The following INPP4A variants were observed in gnomAD, a reference collection of about 807,000 sequenced individuals.
INPP4A encodes the protein inositol polyphosphate-4-phosphatase type I A.
Under a neutral mutation model 119.8 loss-of-function variants are expected in INPP4A, and 33 were observed. That is an observed-to-expected ratio of 0.28 (90% CI 0.21 to 0.37). The LOEUF is 0.37. INPP4A is among the 10% of genes least tolerant of loss of function. The pLI is 1.00. For synonymous variants in INPP4A, 496 were observed against 500.7 expected, an observed-to-expected ratio of 0.99 and a Z score of 0.12; for missense variants, 956 against 1,289.9, an observed-to-expected ratio of 0.74 and a Z score of 3.97.
At chr2:98,448,347 C>G (rs920675294) in intron 1 of INPP4A, among the ~76,000 whole-genome samples, 2 of 113,016 alleles carry the variant, frequency 1.8e-5, no homozygotes, top group Non-Finnish European at 3.5e-5. Flanking sequence ...CAGAGTGAGA[C>G]TGTCTCAAAA....
chr2:98,540,377 G>A (rs967669586), intron 10 of INPP4A, among the ~76,000 whole-genome samples: 9 of 152,194 alleles, frequency 5.9e-5, no homozygotes, highest in Middle Eastern at 3.2e-3. Flanking sequence ...TAACCTGTCA[G>A]CTCACTGTGG....
At chr2:98,466,624 A>C (rs1674844687) in intron 1 of INPP4A, among the ~76,000 whole-genome samples, 1 of 152,202 alleles carries the variant, frequency 6.6e-6, no homozygotes, top group Non-Finnish European at 1.5e-5. Flanking sequence ...GAGGTTTCAG[A>C]GGTCTTTCTG....
At chr2:98,543,844 C>T (rs1426683944) in intron 10 of INPP4A, 33 bp from the exon 11 acceptor site, 3 of 1,611,578 alleles carry the variant, frequency 1.9e-6, no homozygotes, top group African/African-American at 1.3e-5. Flanking sequence ...ACCAGTTAGC[C>T]CACAGCCTGA....
intron 24 of INPP4A, among the ~76,000 whole-genome samples, chr2:98,583,302 G>GA (rs1240028178): frequency 3.3e-5 from 5 of 149,908 alleles, no homozygotes; most frequent in South Asian, 2.1e-4. Context: ...GATTGATAAT[G>GA]AAAAAAAATC....
At position 98,572,929 on chromosome 2, in the gene INPP4A, T is replaced by TA. The variant is rs1423863833; in HGVS notation, c.2631+3dup. The TA allele has an allele frequency of 7.7e-6, 12 of 1,563,178 alleles. No homozygotes were observed. The Admixed American group carries it at 2.3e-4, about 29-fold the overall frequency. On this transcript the variant is annotated splice_region_variant and intron_variant, in intron 23 of 24. Coordinates refer to ENST00000409851, the MANE Select transcript of INPP4A (RefSeq NM_001134225.2). The stretch of plus-strand genomic sequence containing the variant: ...GACATTCTCTGGCAAGCTGCTGAGG[T>TA]ACTGGTTACAGAGAGGAAAAGGAGG...
chr2:98,540,162 C>G (rs1271295416), intron 10 of INPP4A, among the ~76,000 whole-genome samples: 1 of 152,162 alleles, frequency 6.6e-6, no homozygotes, highest in African/African-American at 2.4e-5. Context: ...GAACTACTGA[C>G]CTCAGATGAT....
Position 98,535,757 on chromosome 2 carries a change from G to A in INPP4A, c.299G>A (p.Ser100Asn), listed in dbSNP as rs1451177166. 1 of 1,564,220 alleles carries A rather than the reference G, an allele frequency of 6.4e-7. No individual in the cohort carries two copies. The change falls in exon 6 of 25, where the codon AGT becomes AAT. Residue 100 changes from serine (S) to asparagine (N), a missense_variant. By Grantham distance (46) the Ser-to-Asn change is conservative. Coordinates refer to ENST00000409851, the MANE Select transcript of INPP4A (RefSeq NM_001134225.2). The stretch of plus-strand genomic sequence containing the variant: ...ACCAACAATCCTATATTTCTAAGCA[G>A]TATTGCCTTCTTTCAAGACTCTCTT... Reference protein sequence around the residue: ...EGTNNPIFLSSIAFFQDSLIN... With the variant: ...EGTNNPIFLSNIAFFQDSLIN...
chr2:98,450,765 C>G (rs1695080765), intron 1 of INPP4A, among the ~76,000 whole-genome samples: 1 of 152,062 alleles, frequency 6.6e-6, no homozygotes, highest in Non-Finnish European at 1.5e-5. Flanking sequence ...TCTTAGTTGT[C>G]TCTTTCTGTT....
chr2:98,457,469 G>A (rs761127512), intron 1 of INPP4A, among the ~76,000 whole-genome samples: 7 of 152,176 alleles, frequency 4.6e-5, no homozygotes, highest in Non-Finnish European at 8.8e-5. Context: ...TCATTCTTTG[G>A]GAACTGGTCA....
At chr2:98,520,628 T>A in intron 3 of INPP4A, 59 bp from the exon 4 acceptor site, 2 of 1,087,258 alleles carry the variant, frequency 1.8e-6, no homozygotes, top group Non-Finnish European at 2.7e-6. Flanking sequence ...GTGCATTTAA[T>A]CTGAAAACAG....
chr2:98,566,229 C>CG lies in INPP4A; in HGVS notation c.2420+61dup. The CG allele has an allele frequency of 6.7e-7, 1 of 1,485,890 alleles. No individual in the cohort carries two copies. The highest frequency in any genetic ancestry group is 9.0e-7 in the Non-Finnish European group (1 of 1,108,470). The allele number at this position is 1,485,890 out of a possible 1,614,324, so 92.0% of individuals were successfully genotyped here. A position where few individuals can be genotyped will look rare whatever the true frequency, so the allele number is the denominator to read the frequency against. ...GTGGCCCTGGAGATGATGCAGAAAA[C>CG]GTACTTACCCCTCTTCAGGCTCTAA... On this transcript the variant is annotated intron_variant, in intron 21 of 24. Coordinates refer to ENST00000409851, the MANE Select transcript of INPP4A (RefSeq NM_001134225.2). The surrounding 1 kb of genome is among the most constrained non-coding windows in gnomAD (Gnocchi z 4.2).
chr2:98,582,273 T>C (rs1005409744), intron 24 of INPP4A, among the ~76,000 whole-genome samples: 3 of 152,246 alleles, frequency 2.0e-5, no homozygotes, highest in African/African-American at 7.2e-5. Context: ...TCTGCTTTCA[T>C]TTCAAAGCGT....
At chr2:98,495,522 T>C (rs562653168) in intron 1 of INPP4A, among the ~76,000 whole-genome samples, 1 of 152,314 alleles carries the variant, frequency 6.6e-6, no homozygotes, top group Non-Finnish European at 1.5e-5. Flanking sequence ...GTGCCCAAGG[T>C]GGTCAGGCTA....
In INPP4A at chr2:98,545,728, T is replaced by C. The variant is rs187986062; in HGVS notation, c.950-241T>C. 5.7e-3 allele frequency among the ~76,000 whole-genome samples: 867 copies of C among 152,300 alleles called. 6 individuals carry two copies. The highest frequency in any genetic ancestry group is 0.019 in the African/African-American group (808 of 41,562). On this transcript the variant is annotated intron_variant, in intron 11 of 24. Coordinates refer to ENST00000409851, the MANE Select transcript of INPP4A (RefSeq NM_001134225.2). ...ATAGCTTTTTGAAGCCGGTTCTCCC[T>C]GGCACCATTCACCACCTGAGCACCC...
In INPP4A at chr2:98,448,693, TTC is replaced by T. The variant is rs200014288; in HGVS notation, c.-166+3624_-166+3625del. On this transcript the variant is annotated intron_variant, in intron 1 of 24. Transcript: ENST00000409851. ...AGGTTGAAGCAGTTGTAGTCTTCTTTTCTCTCTCTCTCTCTCTTTTTTTTTTT... is the reference window on the plus strand; with the variant it reads ...AGGTTGAAGCAGTTGTAGTCTTCTTTTCTCTCTCTCTCTCTTTTTTTTTTT... Among the ~76,000 whole-genome samples the T allele has an allele frequency of 3.5e-4, 52 of 147,174 alleles. 1 individual carries two copies. The highest frequency in any genetic ancestry group is 1.2e-3 in the African/African-American group (48 of 39,866).
intron 1 of INPP4A, among the ~76,000 whole-genome samples, chr2:98,497,780 A>G (rs914459720): frequency 2.0e-5 from 3 of 152,212 alleles, no homozygotes; most frequent in African/African-American, 7.2e-5. Context: ...CTCTTGCATC[A>G]GCATGACCTG....
intron 13 of INPP4A, chr2:98,548,855 AT>A (rs1692964205): frequency 8.9e-7 from 1 of 1,117,764 alleles, no homozygotes; most frequent in African/African-American, 1.6e-5. Context: ...AATTTTAAGT[AT>A]TTTGACAAAA....
intron 3 of INPP4A, 87 bp downstream of exon 3, chr2:98,520,241 A>T: frequency 1.0e-6 from 1 of 986,842 alleles, no homozygotes; most frequent in Non-Finnish European, 1.5e-6. Flanking sequence ...CAGGTACCCA[A>T]TGATTCCCCA....
intron 22 of INPP4A, chr2:98,571,936 C>T (rs1350415545): frequency 6.6e-6 from 1 of 152,662 alleles, no homozygotes; most frequent in Admixed American, 6.5e-5. Flanking sequence ...TGCCCTGTCC[C>T]CTGACCGGCG....
Sources: allele counts gnomAD v4.1 joint callset (sites outside exome capture counted in the v4.1 genomes callset), GRCh38; gene constraint gnomAD v4.1.1; non-coding constraint Gnocchi (gnomAD v3.1); transcripts MANE v1.5; gene names NCBI Gene and HGNC (gene_info 2026-07-23, HGNC 2026-07-21).